The following TNNT2 variants were observed in gnomAD, a reference collection of about 807,000 sequenced individuals.
TNNT2 encodes the protein troponin T2, cardiac type, also known as troponin T, cardiac muscle.
In TNNT2, 34 loss-of-function variants were observed where a neutral mutation model predicts 62.4. The ratio of observed to expected loss-of-function variants is 0.54; its 90% CI spans 0.41 to 0.72. TNNT2 has a LOEUF of 0.72. Ranked by LOEUF, TNNT2 falls within the 30% of genes least tolerant of loss-of-function variation. The pLI is 0.00. For missense variants in TNNT2, 275 were observed against 381.9 expected, an observed-to-expected ratio of 0.72 and a Z score of 2.33; for synonymous variants, 123 against 127.2, an observed-to-expected ratio of 0.97 and a Z score of 0.22.
chr1:201,364,131 G>T, intron 11 of TNNT2, 167 bp downstream of exon 11: 1 of 683,652 alleles, frequency 1.5e-6, no homozygotes, highest in South Asian at 1.8e-5. Context: ...TGATCTACCC[G>T]CCTTGGCCTC....
At chr1:201,376,708 C>G (rs1661450407) in intron 1 of TNNT2, among the ~76,000 whole-genome samples, 2 of 152,182 alleles carry the variant, frequency 1.3e-5, no homozygotes, top group Admixed American at 1.3e-4. Context: ...CACCAGGCAA[C>G]CCCCTCCCTG....
intron 12 of TNNT2, 194 bp downstream of exon 12, chr1:201,363,102 G>C: frequency 2.0e-6 from 2 of 985,376 alleles, no homozygotes; most frequent in Non-Finnish European, 2.4e-6. Context: ...ACCCCAGCAA[G>C]CCCCTCCTAG....
intron 8 of TNNT2, 162 bp downstream of exon 8, chr1:201,366,676 G>A: frequency 6.5e-7 from 1 of 1,542,902 alleles, no homozygotes; most frequent in South Asian, 1.2e-5. Context: ...CCCTTAGGAA[G>A]AGACGCTTGT....
In TNNT2 at chr1:201,370,911, T is replaced by TTATTCAAAA. The variant is rs1475264783; in HGVS notation, c.68-1075_68-1067dup. ...CAGAATTTGGAGCCAGTTAGATTTT[T>TTATTCAAAA]TATTCAAAAATATATTTCTGATAGC... On this transcript the variant is annotated intron_variant, in intron 4 of 16. Coordinates refer to ENST00000656932, the MANE Select transcript of TNNT2 (RefSeq NM_001276345.2). Among the ~76,000 whole-genome samples the TTATTCAAAA allele has an allele frequency of 2.6e-5, 4 of 152,246 alleles. No individual in the cohort carries two copies. The East Asian group carries it at 7.7e-4, about 29-fold the overall frequency.
chr1:201,363,861 T>C, intron 11 of TNNT2: 1 of 286,828 alleles, frequency 3.5e-6, no homozygotes, highest in South Asian at 4.2e-5. Context: ...ACTTCCTAGG[T>C]TGATATTGAT....
intron 4 of TNNT2, among the ~76,000 whole-genome samples, chr1:201,371,084 G>C (rs1385035761): frequency 6.6e-6 from 1 of 152,164 alleles, no homozygotes; most frequent in African/African-American, 2.4e-5. Context: ...TTTTCCCTAG[G>C]AGCCATGGGG....
intron 12 of TNNT2, 182 bp downstream of exon 12, chr1:201,363,114 G>C: frequency 3.0e-6 from 3 of 985,378 alleles, no homozygotes; most frequent in Non-Finnish European, 2.4e-6. Flanking sequence ...CCCTCCTAGT[G>C]CAAGCCGCGG....
At chr1:201,366,743 C>T (rs1249415121) in intron 8 of TNNT2, 95 bp downstream of exon 8, 2 of 1,610,334 alleles carry the variant, frequency 1.2e-6, no homozygotes, top group South Asian at 1.1e-5. Context: ...AAACCCCCAG[C>T]CCGTGTCCAC....
chr1:201,363,174 C>T (rs937412870), intron 12 of TNNT2, 122 bp downstream of exon 12: 137 of 1,591,928 alleles, frequency 8.6e-5, no homozygotes, highest in Non-Finnish European at 1.1e-4. Flanking sequence ...CTCAGTCTTC[C>T]ACCCACAGCA....
intron 4 of TNNT2, among the ~76,000 whole-genome samples, chr1:201,371,034 A>G (rs1254111426): frequency 6.6e-6 from 1 of 152,196 alleles, no homozygotes; most frequent in Non-Finnish European, 1.5e-5. Context: ...CTTTGGCCAG[A>G]CAGCCCTGGA....
intron 10 of TNNT2, 73 bp from the exon 11 acceptor site, chr1:201,364,448 T>C (rs1659301965): frequency 1.3e-6 from 2 of 1,481,760 alleles, no homozygotes; most frequent in Admixed American, 1.8e-5. Context: ...GAAACCTGCA[T>C]GGGGTGGCAA....
intron 9 of TNNT2, 107 bp from the exon 10 acceptor site, chr1:201,365,414 CCTGGCGCCTGGCCAGGGAAGGGG>C: frequency 8.2e-7 from 1 of 1,219,606 alleles, no homozygotes; most frequent in Non-Finnish European, 1.2e-6. Context: ...TCTGGCAGGG[CCTGGCGCCTGGCCAGGGAAGGGG>C]TAACTGTGGC....
In TNNT2 at chr1:201,366,072, G is replaced by A. The variant is rs1228362203; in HGVS notation, c.234-402C>T. The A allele has an allele frequency of 4.4e-6, 5 of 1,146,330 alleles. No individual in the cohort carries two copies. The African/African-American group carries it at 8.0e-5, about 18-fold the overall frequency. The allele number at this position is 1,146,330 out of a possible 1,614,324, so 71.0% of individuals were successfully genotyped here. On this transcript the variant is annotated intron_variant, in intron 8 of 16. Coordinates refer to ENST00000656932, the MANE Select transcript of TNNT2 (RefSeq NM_001276345.2). ...CCGCAGAAACTGGCCATGAACCTGGGAGTCTTGCAGTTTGGTCCTGGTCCC... is the reference window on the plus strand; with the variant it reads ...CCGCAGAAACTGGCCATGAACCTGGAAGTCTTGCAGTTTGGTCCTGGTCCC...
chr1:201,363,251 G>A (rs538967783), intron 12 of TNNT2, 45 bp downstream of exon 12: 1 of 1,612,330 alleles, frequency 6.2e-7, no homozygotes, highest in Admixed American at 1.7e-5. Context: ...CATTCCTCAG[G>A]GCTATACTAG....
Position 201,377,087 on chromosome 1 carries a change from A to G in TNNT2, c.-15+536T>C, listed in dbSNP as rs1661513557. 2.0e-5 allele frequency among the ~76,000 whole-genome samples: 3 copies of G among 152,210 alleles called. No homozygotes were observed. The South Asian group carries it at 6.2e-4, about 31-fold the overall frequency. On this transcript the variant is annotated intron_variant, in intron 1 of 16. Transcript: ENST00000656932. ...TGGTCGTTCTCAGTACTTCCAGGAC[A>G]GTTTCTGAGTTCCTAGCCTTGAGAA...
rs1377112620 is a variant in TNNT2 at position 201,368,014 on chromosome 1, T to C, written c.163+148A>G. The C allele has an allele frequency of 8.0e-6, 8 of 998,272 alleles. No individual in the cohort carries two copies. The East Asian group carries it at 1.2e-4, about 15-fold the overall frequency. 61.8% of individuals were successfully genotyped at this position (998,272 alleles called of 1,614,324 possible). ...GAAGCGCTGGGTCAACGTTTGTTGA[T>C]TGGGCAATCAATGGTTGAATCTTAG... On this transcript the variant is annotated intron_variant, in intron 6 of 16. Transcript: ENST00000656932.
rs979526806 is a variant in TNNT2, at chr1:201,360,057, C to T, written c.811-394G>A. On this transcript the variant is annotated intron_variant, in intron 15 of 16. Coordinates refer to ENST00000656932, the MANE Select transcript of TNNT2 (RefSeq NM_001276345.2). The stretch of plus-strand genomic sequence containing the variant: ...TGCCCACCATCCCGGAAGCTGTGCC[C>T]TTTGAGCAGTAGCATCCCCATGCAC... 3.9e-5 allele frequency among the ~76,000 whole-genome samples: 6 copies of T among 152,312 alleles called. No homozygotes were observed. In the South Asian group the frequency reaches 1.2e-3, roughly 32 times the overall value.
Position 201,361,868 on chromosome 1 carries a change from A to G in TNNT2, c.719+45T>C, listed in dbSNP as rs753857549. ...GTGCCCTTGGCCCGACCCCTCCCAGAGCAGATGCGGGCAGTGCCCCAGGAC... is the reference window on the plus strand; with the variant it reads ...GTGCCCTTGGCCCGACCCCTCCCAGGGCAGATGCGGGCAGTGCCCCAGGAC... On this transcript the variant is annotated intron_variant, in intron 14 of 16. Coordinates refer to ENST00000656932, the MANE Select transcript of TNNT2 (RefSeq NM_001276345.2). The G allele has an allele frequency of 5.1e-6, 8 of 1,562,664 alleles. No individual in the cohort carries two copies. In the East Asian group the frequency reaches 1.1e-4, roughly 22 times the overall value.
chr1:201,373,684 C>T (rs1050688802), intron 1 of TNNT2: 3 of 272,838 alleles, frequency 1.1e-5, no homozygotes, highest in Admixed American at 4.7e-5. Context: ...AGCGATTCTC[C>T]CACCTCAGCC....
Sources: allele counts gnomAD v4.1 joint callset (sites outside exome capture counted in the v4.1 genomes callset), GRCh38; gene constraint gnomAD v4.1.1; transcripts MANE v1.5; gene names NCBI Gene and HGNC (gene_info 2026-07-23, HGNC 2026-07-21).